The following TMEM132B variants were observed in gnomAD, a reference collection of about 807,000 sequenced individuals.
The protein encoded by TMEM132B is transmembrane protein 132B.
TMEM132B carries 18 observed loss-of-function variants against 90.8 expected under a neutral mutation model. The ratio of observed to expected loss-of-function variants is 0.20; its 90% confidence interval spans 0.14 to 0.29. The LOEUF (loss-of-function observed/expected upper bound fraction) is 0.29, where lower values mean the gene tolerates loss of function less well. Ranked by LOEUF, TMEM132B falls within the 10% of genes least tolerant of loss-of-function variation. The probability of loss-of-function intolerance (pLI) is 1.00; values close to 1 mark genes in which losing one functional copy is unlikely to be tolerated. For missense variants in TMEM132B, 1,096 were observed against 1,326.8 expected (o/e 0.83, Z 2.70); for synonymous variants, 504 against 523.3 (o/e 0.96, Z 0.50).
chr12:125,389,355 C>A (rs1318788433), intron 2 of TMEM132B, among the ~76,000 whole-genome samples: 1 of 134,228 alleles, frequency 7.5e-6, no homozygotes, highest in Non-Finnish European at 1.6e-5. Context: ...CCCCTCAACT[C>A]CCCTCCCCTT....
At chr12:125,643,961 T>G in intron 5 of TMEM132B, 115 bp from the exon 6 acceptor site, 2 of 844,118 alleles carry the variant, frequency 2.4e-6, no homozygotes, top group Non-Finnish European at 3.8e-6. Flanking sequence ...GTTCATTGGG[T>G]TGTTTTGGTG....
At chr12:125,483,928 G>A (rs1882128934) in intron 3 of TMEM132B, among the ~76,000 whole-genome samples, 1 of 152,226 alleles carries the variant, frequency 6.6e-6, no homozygotes, top group Non-Finnish European at 1.5e-5. Flanking sequence ...GTATGGCCTG[G>A]TTTGGGAGGG....
intron 3 of TMEM132B, among the ~76,000 whole-genome samples, chr12:125,509,116 C>T (rs890139037): frequency 6.6e-6 from 1 of 152,134 alleles, no homozygotes; most frequent in Admixed American, 6.5e-5. Flanking sequence ...TGACTCTGCT[C>T]TTCACTTTCC....
intron 3 of TMEM132B, among the ~76,000 whole-genome samples, chr12:125,481,664 A>G (rs1882047345): frequency 6.6e-6 from 1 of 152,204 alleles, no homozygotes; most frequent in South Asian, 2.1e-4. Context: ...TATCGTGAAA[A>G]TGGCCATACT....
rs186392346 is a variant in TMEM132B at position 125,634,910 on chromosome 12, C to T, written c.1438-9166C>T. ...GTTGGGGAAGGGTGATGCCAGCACT[C>T]CTTTAGCTGCCCCAGCTGGTATCTC... On this transcript the variant is annotated intron_variant, in intron 5 of 8. Transcript: ENST00000682704. 2.2e-4 allele frequency among the ~76,000 whole-genome samples: 34 copies of T among 152,254 alleles called. No homozygotes were observed. In the East Asian group the frequency reaches 5.0e-3, roughly 23 times the overall value.
chr12:125,282,796 T>G (rs1875235074), intron 1 of TMEM132B, among the ~76,000 whole-genome samples: 1 of 152,190 alleles, frequency 6.6e-6, no homozygotes, highest in Non-Finnish European at 1.5e-5. Flanking sequence ...CAGGGAGATG[T>G]GTGTGCCTGG....
intron 2 of TMEM132B, among the ~76,000 whole-genome samples, chr12:125,392,966 C>G (rs1395653575): frequency 6.6e-6 from 1 of 152,150 alleles, no homozygotes; most frequent in Non-Finnish European, 1.5e-5. Flanking sequence ...TGCCAGCTTC[C>G]CTCCTGCGTA....
At chr12:125,332,022 C>G (rs569864312) in intron 1 of TMEM132B, among the ~76,000 whole-genome samples, 4 of 152,154 alleles carry the variant, frequency 2.6e-5, no homozygotes, top group African/African-American at 9.6e-5. Flanking sequence ...GGATTACAGA[C>G]GTGAGCCACT....
intron 1 of TMEM132B, among the ~76,000 whole-genome samples, chr12:125,311,070 A>G (rs1876111766): frequency 6.6e-6 from 1 of 152,274 alleles, no homozygotes; most frequent in East Asian, 1.9e-4. Flanking sequence ...GGGCTGATAC[A>G]CTGTTCACAT....
chr12:125,349,628 C>A lies in TMEM132B; in HGVS notation c.244C>A (p.Arg82=), dbSNP rs183023049. ...QARVEPFFIY[R]ARTPPIINAS... is the part of the protein sequence containing the mutation. ...CCGGGTGGAGCCATTCTTCATCTAC[C>A]GAGCCAGGACACCCCCTATTATCAA... Residue 82 remains arginine, a synonymous_variant, in exon 2 of 9, where the codon CGA becomes AGA. Coordinates refer to ENST00000682704, the MANE Select transcript of TMEM132B (RefSeq NM_001366854.1). This position sits in a 1 kb window ranked among gnomAD's most constrained non-coding sequence, Gnocchi z 4.1. 4.6e-4 allele frequency: 749 copies of A among 1,614,104 alleles called. 5 individuals are homozygous for A. The African/African-American group carries it at 9.1e-3, about 20-fold the overall frequency.
Position 125,644,174 on chromosome 12 carries a change from G to GT in TMEM132B, c.1538dup (p.Glu514ArgfsTer14), listed in dbSNP as rs1886700320. Reference sequence around the variant, plus strand: ...TCACCCACCAGCACTTCACCTCCCAGTTCGAGGTCACTGTCTGGGCACCCA... The same window carrying GT: ...TCACCCACCAGCACTTCACCTCCCAGTTTCGAGGTCACTGTCTGGGCACCCA... On this transcript the variant is annotated frameshift_variant, in exon 6 of 9. Transcript: ENST00000682704. LOFTEE classifies it high-confidence loss of function. The GT allele has an allele frequency of 6.2e-7, 1 of 1,614,102 alleles. No individual in the cohort carries two copies. Among genetic ancestry groups the GT allele is most frequent in the Non-Finnish European group, 8.5e-7 (1 of 1,180,050 alleles).
chr12:125,366,664 G>A (rs1190458113), intron 2 of TMEM132B, among the ~76,000 whole-genome samples: 1 of 152,096 alleles, frequency 6.6e-6, no homozygotes, highest in Non-Finnish European at 1.5e-5. Context: ...TGTTTATCCT[G>A]CCTTGGGTTT....
chr12:125,552,082 A>C (rs1188646446), intron 4 of TMEM132B, among the ~76,000 whole-genome samples: 1 of 152,212 alleles, frequency 6.6e-6, no homozygotes, highest in Non-Finnish European at 1.5e-5. Flanking sequence ...ATTGTGCATT[A>C]TATATGAATA....
At chr12:125,352,631 C>T (rs1044372926) in intron 2 of TMEM132B, among the ~76,000 whole-genome samples, 5 of 152,214 alleles carry the variant, frequency 3.3e-5, no homozygotes, top group African/African-American at 1.2e-4. Context: ...TGTGAGTCCT[C>T]AGTGAATGTT....
intron 1 of TMEM132B, among the ~76,000 whole-genome samples, chr12:125,312,375 T>G (rs1876143898): frequency 6.6e-6 from 1 of 152,240 alleles, no homozygotes; most frequent in South Asian, 2.1e-4. Context: ...CACAAGATCC[T>G]CCAGATTCAT....
chr12:125,255,431 T>C (rs1874417795), intron 1 of TMEM132B, among the ~76,000 whole-genome samples: 1 of 152,224 alleles, frequency 6.6e-6, no homozygotes, highest in Admixed American at 6.5e-5. Flanking sequence ...GTTCTGTCTT[T>C]GATTCTGTTC....
chr12:125,487,091 A>G (rs561503062), intron 3 of TMEM132B, among the ~76,000 whole-genome samples: 1 of 152,206 alleles, frequency 6.6e-6, no homozygotes, highest in African/African-American at 2.4e-5. Flanking sequence ...TGCACTTTTT[A>G]CTTTGAAATA....
At position 125,560,831 on chromosome 12, in the gene TMEM132B, C is replaced by CAAAAAAAAAAAA. The variant is rs58083131; in HGVS notation, c.1294-23002_1294-22991dup. 4.1e-4 allele frequency among the ~76,000 whole-genome samples: 12 copies of CAAAAAAAAAAAA among 29,258 alleles called. 2 individuals carry two copies. The highest frequency in any genetic ancestry group is 4.0e-3 in the South Asian group (1 of 252). 19.2% of individuals were successfully genotyped at this position (29,258 alleles called of 152,430 possible). A position where few individuals can be genotyped will look rare whatever the true frequency, so the allele number is the denominator to read the frequency against. On this transcript the variant is annotated intron_variant, in intron 4 of 8. Coordinates refer to ENST00000682704, the MANE Select transcript of TMEM132B (RefSeq NM_001366854.1). ...TGGGTGACAGAGCGAGACTCTGTCT[C>CAAAAAAAAAAAA]AAAAAAAAAAAAAAAAAAAAAAAAA...
At chr12:125,352,287 C>A (rs909151243) in intron 2 of TMEM132B, among the ~76,000 whole-genome samples, 1 of 152,244 alleles carries the variant, frequency 6.6e-6, no homozygotes, top group Non-Finnish European at 1.5e-5. Context: ...AAGACAATTT[C>A]TTTCTCTGCA....
Sources: gnomAD v4.1 joint callset for allele counts (sites outside exome capture counted in the v4.1 genomes callset) on GRCh38, gnomAD v4.1.1 for gene constraint, Gnocchi (gnomAD v3.1) non-coding constraint, MANE v1.5 for transcripts, NCBI Gene and HGNC (gene_info 2026-07-23, HGNC 2026-07-21) for gene names.